Variants in SHANK2 observed in about 807,000 individuals in gnomAD.
SHANK2 encodes the protein SH3 and multiple ankyrin repeat domains protein 2.
A neutral mutation model predicts 133.7 loss-of-function variants in SHANK2; 43 were observed. The observed-to-expected ratio is 0.32, with a 90% CI of 0.25 to 0.41. SHANK2 has a LOEUF of 0.41. Ranked by LOEUF, SHANK2 falls within the 10% of genes least tolerant of loss-of-function variation. The pLI is 1.00. For missense variants in SHANK2, 1,994 were observed against 2,235.8 expected (o/e 0.89, Z 2.18); for synonymous variants, 1,017 against 952.8 (o/e 1.07, Z -1.24).
intron 10 of SHANK2, among the ~76,000 whole-genome samples, chr11:70,946,205 CG>C (rs1950728900): frequency 7.2e-6 from 1 of 139,662 alleles, no homozygotes; most frequent in Non-Finnish European, 1.6e-5. Flanking sequence ...CCTCCCTCTC[CG>C]CTAACCAACT....
intron 17 of SHANK2, among the ~76,000 whole-genome samples, chr11:70,544,954 G>A (rs2136048900): frequency 6.6e-6 from 1 of 152,324 alleles, no homozygotes; most frequent in South Asian, 2.1e-4. Flanking sequence ...CTGGGGATGG[G>A]CCAGCTGCTG....
rs930898377 is a variant in SHANK2 at position 70,719,102 on chromosome 11, G to A, written c.1778-20339C>T. Among the ~76,000 whole-genome samples the A allele has an allele frequency of 3.9e-5, 6 of 152,332 alleles. No homozygotes were observed. In the South Asian group the frequency reaches 1.2e-3, roughly 32 times the overall value. On this transcript the variant is annotated intron_variant, in intron 14 of 25. Coordinates refer to ENST00000601538, the MANE Select transcript of SHANK2 (RefSeq NM_012309.5). ...ACTGCCCATGTGAAGAGCACGTCAG[G>A]TGCCATCACCTGCAAGCTCGCCGTG...
intron 17 of SHANK2, chr11:70,604,388 G>A (rs1338092576): frequency 6.6e-6 from 1 of 152,376 alleles, no homozygotes; most frequent in African/African-American, 2.4e-5. Context: ...CAGCTACGTG[G>A]AGGACCCTCC....
At chr11:71,125,152 A>G (rs775130103) in intron 3 of SHANK2, among the ~76,000 whole-genome samples, 183 of 152,240 alleles carry the variant, frequency 1.2e-3, no homozygotes, top group Admixed American at 2.3e-3. Context: ...ACACAATAAT[A>G]TTGAAATTAG....
intron 17 of SHANK2, among the ~76,000 whole-genome samples, chr11:70,550,205 GCAGACCCAC>G (rs2059747416): frequency 6.6e-6 from 1 of 152,146 alleles, no homozygotes; most frequent in African/African-American, 2.4e-5. Context: ...GTGTTCTGCT[GCAGACCCAC>G]TCCCGGTAGC....
intron 17 of SHANK2, among the ~76,000 whole-genome samples, chr11:70,560,626 T>A (rs549475603): frequency 1.3e-5 from 2 of 151,830 alleles, no homozygotes; most frequent in South Asian, 2.1e-4. Context: ...ATTCCAAGAC[T>A]TTTTTTCGTT....
intron 10 of SHANK2, among the ~76,000 whole-genome samples, chr11:70,925,895 A>G (rs1301547004): frequency 6.6e-6 from 1 of 152,218 alleles, no homozygotes; most frequent in Non-Finnish European, 1.5e-5. Flanking sequence ...CTCTGGTCAC[A>G]CCTTCATCAA....
At chr11:70,936,553 AAAAT>A (rs530563439) in intron 10 of SHANK2, among the ~76,000 whole-genome samples, 50 of 152,316 alleles carry the variant, frequency 3.3e-4, no homozygotes, top group African/African-American at 1.2e-3. Context: ...AAGTAAAACT[AAAAT>A]AAGGCAACAG....
chr11:70,807,103 T>C lies in SHANK2; in HGVS notation c.1562A>G (p.Lys521Arg). ...CCTCCCGGGCACGGCACTGTAGAGC[T>C]TCCGCTTGGGCCCCGGGTACTCGAA... The part of the protein sequence containing the change: ...SAFEYPGPKR[K>R]LYSAVPGRLF... The change falls in exon 13 of 26, where the codon AAG becomes AGG. Residue 521 changes from lysine (K) to arginine (R), a missense_variant. Transcript: ENST00000601538. The surrounding 1 kb of genome is among the most constrained non-coding windows in gnomAD (Gnocchi z 4.8). 1 of 717,760 alleles carries C rather than the reference T, an allele frequency of 1.4e-6. No individual in the cohort carries two copies. Among genetic ancestry groups the C allele is most frequent in the South Asian group, 1.5e-5 (1 of 67,534 alleles). 44.5% of individuals were successfully genotyped at this position (717,760 alleles called of 1,614,324 possible).
intron 17 of SHANK2, among the ~76,000 whole-genome samples, chr11:70,560,112 C>T (rs147930436): frequency 6.6e-6 from 1 of 152,038 alleles, no homozygotes; most frequent in East Asian, 1.9e-4. Flanking sequence ...CCTCAAGTGA[C>T]CTGCCCGCCT....
chr11:70,951,637 A>G (rs928295329), intron 10 of SHANK2, among the ~76,000 whole-genome samples: 12 of 144,964 alleles, frequency 8.3e-5, no homozygotes, highest in Admixed American at 7.5e-4. Context: ...GCACTGTGAC[A>G]TCATAAATTC....
intron 12 of SHANK2, among the ~76,000 whole-genome samples, chr11:70,814,757 C>T (rs1287006499): frequency 6.6e-6 from 1 of 152,226 alleles, no homozygotes; most frequent in Non-Finnish European, 1.5e-5. Context: ...ACCAACTGAA[C>T]TCAAAAGCAT....
chr11:70,763,387 G>T (rs576047103), intron 14 of SHANK2, among the ~76,000 whole-genome samples: 3 of 152,130 alleles, frequency 2.0e-5, no homozygotes, highest in African/African-American at 7.2e-5. Flanking sequence ...GAGCTGCTCC[G>T]GGATAACTGT....
intron 10 of SHANK2, among the ~76,000 whole-genome samples, chr11:70,908,658 C>T (rs781882631): frequency 5.3e-5 from 8 of 152,162 alleles, no homozygotes; most frequent in Non-Finnish European, 1.0e-4. Context: ...CAGAGCTGCA[C>T]CGACATTGGC....
At chr11:70,483,581 T>C (rs2058763914) in intron 25 of SHANK2, among the ~76,000 whole-genome samples, 1 of 144,118 alleles carries the variant, frequency 6.9e-6, no homozygotes, top group South Asian at 2.3e-4. Context: ...TGTGGTGGCA[T>C]GCGTCTATTG....
chr11:70,544,939 G>A (rs1319850219), intron 17 of SHANK2, among the ~76,000 whole-genome samples: 1 of 152,216 alleles, frequency 6.6e-6, no homozygotes, highest in African/African-American at 2.4e-5. Context: ...GTGGGGCTGC[G>A]GCCTCTGGGG....
intron 17 of SHANK2, among the ~76,000 whole-genome samples, chr11:70,529,936 A>G (rs1554972856): frequency 1.3e-5 from 2 of 152,278 alleles, no homozygotes; most frequent in African/African-American, 4.8e-5. Context: ...TTTGCTTACC[A>G]GTTACGACCA....
intron 2 of SHANK2, among the ~76,000 whole-genome samples, chr11:71,224,206 G>T (rs1173090085): frequency 2.0e-5 from 3 of 152,188 alleles, no homozygotes; most frequent in Admixed American, 1.3e-4. Context: ...CACATTACAG[G>T]TGAGGTGATA....
At chr11:70,787,164 CCACCAGCATGACCACCACCAA>C (rs1947678876) in intron 14 of SHANK2, among the ~76,000 whole-genome samples, 2 of 146,808 alleles carry the variant, frequency 1.4e-5, no homozygotes, top group African/African-American at 2.6e-5. Flanking sequence ...AGCATCACCA[CCACCAGCATGACCACCACCAA>C]CACCAGCATC....
Sources: allele counts gnomAD v4.1 joint callset (sites outside exome capture counted in the v4.1 genomes callset), GRCh38; gene constraint gnomAD v4.1.1; non-coding constraint Gnocchi (gnomAD v3.1); transcripts MANE v1.5; gene names NCBI Gene and HGNC (gene_info 2026-07-23, HGNC 2026-07-21).